ECM2: variants seen among roughly 807,000 people sequenced by gnomAD.
The protein encoded by ECM2 is extracellular matrix protein 2.
A neutral mutation model predicts 67.5 loss-of-function variants in ECM2; 57 were observed. The ratio of observed to expected loss-of-function variants is 0.84; its 90% confidence interval spans 0.68 to 1.05. ECM2 has a LOEUF of 1.05. Ranked by LOEUF, ECM2 falls within the 50% of genes least tolerant of loss-of-function variation. The pLI is 0.00. For missense variants in ECM2, 741 were observed against 822.8 expected, an observed-to-expected ratio of 0.90 and a Z score of 1.22; for synonymous variants, 258 against 294.5, an observed-to-expected ratio of 0.88 and a Z score of 1.27.
chr9:92,510,053 A>G lies in ECM2; in HGVS notation c.1171-19T>C. The stretch of plus-strand genomic sequence containing the variant: ...TCAGAAGCTTAAAAAGCAAATCTCA[A>G]AGTTACTTTTTTATCTAGTCACAGC... On this transcript the variant is annotated intron_variant, in intron 5 of 9. Transcript: ENST00000344604. 4.4e-6 allele frequency: 7 copies of G among 1,584,068 alleles called. No homozygotes were observed. The South Asian group carries it at 5.8e-5, about 13-fold the overall frequency.
the ECM2 span, among the ~76,000 whole-genome samples, chr9:92,549,248 C>G: frequency 6.6e-6 from 1 of 152,068 alleles, no homozygotes; most frequent in Admixed American, 6.6e-5. Context: ...ACAAGCAGGC[C>G]GATTTGGACT....
the ECM2 span, among the ~76,000 whole-genome samples, chr9:92,547,067 ATAAT>A: frequency 6.6e-6 from 1 of 152,198 alleles, no homozygotes; most frequent in African/African-American, 2.4e-5. Flanking sequence ...CAATATATAA[ATAAT>A]ATATTATGAT....
At chr9:92,556,465 G>C in the ECM2 span, among the ~76,000 whole-genome samples, 1,753 of 152,204 alleles carry the variant, frequency 0.012, 43 homozygotes, top group African/African-American at 0.04. Flanking sequence ...GTTGCTGTCT[G>C]TCTCATTTCT....
chr9:92,552,066 TATG>T, the ECM2 span, among the ~76,000 whole-genome samples: 22 of 132,746 alleles, frequency 1.7e-4, 2 homozygotes, highest in African/African-American at 5.5e-4. Flanking sequence ...ATATATGTGA[TATG>T]ATAGATCTAT....
chr9:92,530,082 T>C (rs1048067537), intron 1 of ECM2, among the ~76,000 whole-genome samples: 16 of 152,164 alleles, frequency 1.1e-4, no homozygotes, highest in Admixed American at 1.0e-3. Context: ...GGAGGATATG[T>C]GTATTATATG....
chr9:92,517,397 G>T, intron 3 of ECM2: 1 of 563,870 alleles, frequency 1.8e-6, no homozygotes, highest in South Asian at 2.2e-5. Flanking sequence ...AGGATCTGTT[G>T]TAGAAATTCT....
intron 6 of ECM2, among the ~76,000 whole-genome samples, chr9:92,509,546 C>T (rs987756548): frequency 2.6e-5 from 4 of 152,060 alleles, no homozygotes; most frequent in African/African-American, 4.8e-5. Flanking sequence ...TACAAAGAAC[C>T]GACAAAATTG....
the ECM2 span, among the ~76,000 whole-genome samples, chr9:92,557,913 G>A: frequency 6.6e-6 from 1 of 152,080 alleles, no homozygotes; most frequent in African/African-American, 2.4e-5. Context: ...AAAGTGCTGG[G>A]ATTACAGGCG....
At chr9:92,539,774 T>A (rs918611616), upstream of ECM2, among the ~76,000 whole-genome samples, 2 of 152,188 alleles carry the variant, frequency 1.3e-5, no homozygotes, top group Non-Finnish European at 2.9e-5. Context: ...TAGCTGAACT[T>A]ACTTTCCCAA....
At position 92,496,457 on chromosome 9, in the gene ECM2, T is replaced by C. The variant is rs188295382; in HGVS notation, c.1958A>G (p.Asn653Ser). The C allele has an allele frequency of 1.0e-4, 164 of 1,608,986 alleles. 1 individual carries two copies. The Admixed American group carries it at 1.8e-3, about 17-fold the overall frequency. Residue 653 changes from asparagine (N) to serine (S), a missense_variant, in exon 10 of 10, where the codon AAT (asparagine) becomes AGT (serine). Transcript: ENST00000344604. ...IRNILPEEIC[N>S]AEEDDDSNLE... ...ATTTGAGTCATCATCCTCTTCAGCATTGCAAATTTCTTCTGGAAGAATGTT... is the reference window on the plus strand; with the variant it reads ...ATTTGAGTCATCATCCTCTTCAGCACTGCAAATTTCTTCTGGAAGAATGTT...
chr9:92,557,463 T>C, the ECM2 span, among the ~76,000 whole-genome samples: 1 of 152,328 alleles, frequency 6.6e-6, no homozygotes, highest in African/African-American at 2.4e-5. Flanking sequence ...CCAATTATTC[T>C]TAGGTTTGGT....
the ECM2 span, among the ~76,000 whole-genome samples, chr9:92,543,859 A>C: frequency 2.0e-5 from 3 of 152,158 alleles, no homozygotes; most frequent in African/African-American, 7.2e-5. Context: ...TATACAGAAA[A>C]GCTACTGATT....
the ECM2 span, among the ~76,000 whole-genome samples, chr9:92,547,857 G>A: frequency 6.6e-6 from 1 of 152,160 alleles, no homozygotes. Flanking sequence ...AATACTGACA[G>A]TTTTCCCTTT....
At chr9:92,543,170 C>T in the ECM2 span, among the ~76,000 whole-genome samples, 1 of 152,150 alleles carries the variant, frequency 6.6e-6, no homozygotes, top group African/African-American at 2.4e-5. Flanking sequence ...ACTTTGTTTT[C>T]TTTGATCAAG....
chr9:92,505,766 A>C (rs1846966828), intron 6 of ECM2, 76 bp from the exon 7 acceptor site: 2 of 1,225,908 alleles, frequency 1.6e-6, no homozygotes, highest in East Asian at 5.0e-5. Context: ...TTGAAATGTC[A>C]TGTGAAATGG....
At chr9:92,502,728 T>C in intron 7 of ECM2, 76 bp from the exon 8 acceptor site, 2 of 1,214,572 alleles carry the variant, frequency 1.6e-6, no homozygotes, top group Non-Finnish European at 2.3e-6. Context: ...ACTAAAATAG[T>C]GACATAGACT....
chr9:92,541,638 G>A (rs1849322755), upstream of ECM2, among the ~76,000 whole-genome samples: 1 of 151,762 alleles, frequency 6.6e-6, no homozygotes, highest in East Asian at 1.9e-4. Flanking sequence ...GTTCATCCAT[G>A]TTGTCATAAA....
Position 92,522,881 on chromosome 9 carries a change from C to T in ECM2, c.-15G>A. On this transcript the variant is annotated 5_prime_UTR_variant, in exon 2 of 10. Coordinates refer to ENST00000344604, the MANE Select transcript of ECM2 (RefSeq NM_001393.4). ...GCAATCTTCATGTTTGATTTTTTTC[C>T]ACCAGCCAATTTCTAGAATGAAACA... The T allele has an allele frequency of 4.4e-6, 7 of 1,581,014 alleles. No homozygotes were observed. The highest frequency in any genetic ancestry group is 6.0e-6 in the Non-Finnish European group (7 of 1,169,234).
chr9:92,514,970 G>T lies in ECM2; in HGVS notation c.715C>A (p.Leu239Ile). The T allele has an allele frequency of 1.9e-6, 3 of 1,613,986 alleles. No individual in the cohort carries two copies. Among genetic ancestry groups the T allele is most frequent in the South Asian group, 2.2e-5 (2 of 91,074 alleles). The change falls in exon 4 of 10, where the codon CTT (leucine) becomes ATT (isoleucine). Residue 239 changes from leucine to isoleucine, a missense_variant. Coordinates refer to ENST00000344604, the MANE Select transcript of ECM2 (RefSeq NM_001393.4). ...CCTCTGCTGTCCCCCTCACTGTAAA[G>T]TTGCCCCTGATTTCTAGATTCAGGG... ...ETPESRNQGQ[L>I]YSEGDSRGGD...
Sources: allele counts gnomAD v4.1 joint callset (sites outside exome capture counted in the v4.1 genomes callset), GRCh38; gene constraint gnomAD v4.1.1; transcripts MANE v1.5; gene names NCBI Gene and HGNC (gene_info 2026-07-23, HGNC 2026-07-21).